The following MCOLN2 variants were observed in gnomAD, a reference collection of about 807,000 sequenced individuals.
The protein encoded by MCOLN2 is mucolipin TRP cation channel 2, also known as mucolipin-2.
In MCOLN2, 57 loss-of-function variants were observed where a neutral mutation model predicts 67.5. That is an observed-to-expected ratio of 0.84 (90% CI 0.68 to 1.05). The LOEUF is 1.05. MCOLN2 is among the 50% of genes least tolerant of loss of function. MCOLN2 has a pLI of 0.00. For missense variants in MCOLN2, 620 were observed against 678.8 expected (o/e 0.91, Z 0.96); for synonymous variants, 246 against 233.3 (o/e 1.05, Z -0.50).
chr1:84,996,730 A>G (rs1418861212), intron 1 of MCOLN2, 66 bp downstream of exon 1: 1 of 1,438,028 alleles, frequency 7.0e-7, no homozygotes, highest in Admixed American at 1.7e-5. Flanking sequence ...TACGAAAGTA[A>G]AGCCATCGAC....
intron 6 of MCOLN2, among the ~76,000 whole-genome samples, chr1:84,950,823 C>T (rs537550525): frequency 6.6e-6 from 1 of 152,156 alleles, no homozygotes; most frequent in African/African-American, 2.4e-5. Context: ...CATTTCTATA[C>T]CTGTAAGTTA....
chr1:84,937,591 A>G lies in MCOLN2; in HGVS notation c.1335+164T>C, dbSNP rs1178165741. The G allele has an allele frequency of 5.7e-6, 8 of 1,407,528 alleles. No homozygotes were observed. The East Asian group carries it at 1.8e-4, about 31-fold the overall frequency. 87.2% of individuals were successfully genotyped at this position (1,407,528 alleles called of 1,614,324 possible). On this transcript the variant is annotated intron_variant, in intron 11 of 13. Transcript: ENST00000370608. ...TTCAATATCCTGTAGTCACTTCTATATCCTGAAAAGGAAAAAAAGAAAAAG... is the reference window on the plus strand; with the variant it reads ...TTCAATATCCTGTAGTCACTTCTATGTCCTGAAAAGGAAAAAAAGAAAAAG...
chr1:84,990,494 T>A (rs895929186), intron 1 of MCOLN2, among the ~76,000 whole-genome samples: 1 of 152,016 alleles, frequency 6.6e-6, no homozygotes, highest in African/African-American at 2.4e-5. Flanking sequence ...AATTTTAAAA[T>A]AATGAGTTAG....
intron 2 of MCOLN2, among the ~76,000 whole-genome samples, chr1:84,961,739 G>C (rs1220972831): frequency 6.6e-6 from 1 of 152,130 alleles, no homozygotes; most frequent in African/African-American, 2.4e-5. Flanking sequence ...GATTTGCTGA[G>C]AGTATGATAC....
In MCOLN2 at chr1:84,941,581, C is replaced by G. The variant is rs74740457; in HGVS notation, c.848-590G>C. Among the ~76,000 whole-genome samples the G allele has an allele frequency of 2.0e-3, 303 of 152,316 alleles. 2 individuals are homozygous for G. Among genetic ancestry groups the G allele is most frequent in the African/African-American group, 7.0e-3 (289 of 41,578 alleles). ...ACTCAAATTTATATATAAATATTTA[C>G]TGTAGAATAGAATTCAACAGAAAGT... is the stretch of plus-strand genomic sequence containing the variant. On this transcript the variant is annotated intron_variant, in intron 7 of 13. Coordinates refer to ENST00000370608, the MANE Select transcript of MCOLN2 (RefSeq NM_153259.4).
Position 84,952,236 on chromosome 1 carries a change from T to C in MCOLN2, c.747+7A>G. The stretch of plus-strand genomic sequence containing the variant: ...AAGGAAGTAGCTAGTAAAACAAAGA[T>C]ACTTGCCGTATTCTGAAAGACATAA... On this transcript the variant is annotated splice_region_variant and intron_variant, in intron 6 of 13. Coordinates refer to ENST00000370608, the MANE Select transcript of MCOLN2 (RefSeq NM_153259.4). 6 of 1,591,192 alleles carry C rather than the reference T, an allele frequency of 3.8e-6. No homozygotes were observed. The highest frequency in any genetic ancestry group is 5.1e-6 in the Non-Finnish European group (6 of 1,165,796).
chr1:84,995,572 A>T (rs1459500367), intron 1 of MCOLN2, among the ~76,000 whole-genome samples: 1 of 122,256 alleles, frequency 8.2e-6, no homozygotes, highest in African/African-American at 2.7e-5. Flanking sequence ...TTTGGCCACT[A>T]CTTTTACTTT....
At chr1:84,986,005 A>G (rs562772224) in intron 1 of MCOLN2, among the ~76,000 whole-genome samples, 1 of 152,348 alleles carries the variant, frequency 6.6e-6, no homozygotes, top group South Asian at 2.1e-4. Context: ...AGCAAAAAGA[A>G]CAAATCTGGA....
chr1:84,978,799 A>AAT (rs769845676), intron 1 of MCOLN2, among the ~76,000 whole-genome samples: 6 of 151,950 alleles, frequency 3.9e-5, no homozygotes, highest in South Asian at 2.1e-4. Context: ...TATGTGTATA[A>AAT]ATATATATAT....
intron 3 of MCOLN2, among the ~76,000 whole-genome samples, chr1:84,958,313 A>G (rs953999150): frequency 2.0e-5 from 3 of 152,266 alleles, no homozygotes; most frequent in African/African-American, 7.2e-5. Context: ...GTATGAAGTG[A>G]TAAATTAAAA....
intron 1 of MCOLN2, among the ~76,000 whole-genome samples, chr1:84,985,605 G>A (rs1650468448): frequency 6.6e-6 from 1 of 152,124 alleles, no homozygotes; most frequent in South Asian, 2.1e-4. Context: ...TCTGCTCAAA[G>A]CAGTGATCTG....
chr1:84,957,050 A>T (rs1006885352), intron 3 of MCOLN2, among the ~76,000 whole-genome samples: 2 of 152,118 alleles, frequency 1.3e-5, no homozygotes, highest in African/African-American at 4.8e-5. Context: ...AGCCAAGGAA[A>T]ATTGCAAACA....
intron 1 of MCOLN2, among the ~76,000 whole-genome samples, chr1:84,983,180 G>T (rs1401911499): frequency 6.6e-6 from 1 of 152,122 alleles, no homozygotes; most frequent in Non-Finnish European, 1.5e-5. Flanking sequence ...CCAAATCTGT[G>T]TGGCTCTGCA....
intron 2 of MCOLN2, among the ~76,000 whole-genome samples, chr1:84,964,717 T>C (rs1241975578): frequency 6.6e-6 from 1 of 152,172 alleles, no homozygotes; most frequent in African/African-American, 2.4e-5. Flanking sequence ...TGGGAGACAG[T>C]GACAGATCAT....
intron 4 of MCOLN2, among the ~76,000 whole-genome samples, chr1:84,955,315 G>A (rs111706111): frequency 1.2e-4 from 19 of 152,276 alleles, no homozygotes; most frequent in African/African-American, 3.6e-4. Context: ...CTAATACAGA[G>A]GGGGAGTCCA....
At chr1:84,949,465 C>T (rs1000503397) in intron 6 of MCOLN2, among the ~76,000 whole-genome samples, 7 of 151,684 alleles carry the variant, frequency 4.6e-5, no homozygotes, top group South Asian at 2.1e-4. Flanking sequence ...GGTGAAACCT[C>T]GTCTCTACTA....
At chr1:84,981,844 C>T (rs1449591686) in intron 1 of MCOLN2, among the ~76,000 whole-genome samples, 1 of 152,030 alleles carries the variant, frequency 6.6e-6, no homozygotes, top group Non-Finnish European at 1.5e-5. Flanking sequence ...AGGATAAATG[C>T]TTGAGGGAAT....
At chr1:84,936,598 C>T (rs1348853997) in intron 11 of MCOLN2, among the ~76,000 whole-genome samples, 1 of 152,106 alleles carries the variant, frequency 6.6e-6, no homozygotes, top group East Asian at 1.9e-4. Flanking sequence ...GATTTACTAC[C>T]AACCCAGAGG....
rs141870812 is a variant in MCOLN2, at chr1:84,932,238, A to C, written c.1336-670T>G. ...TAGGTTTTGTTTGTTTGTTTGAGAC[A>C]GAGTCTTACTCTGCCACCCAGGCTG... On this transcript the variant is annotated intron_variant, in intron 11 of 13. Coordinates refer to ENST00000370608, the MANE Select transcript of MCOLN2 (RefSeq NM_153259.4). Among the ~76,000 whole-genome samples the C allele has an allele frequency of 2.8e-3, 424 of 152,256 alleles. 1 individual carries two copies. Among genetic ancestry groups the C allele is most frequent in the African/African-American group, 9.8e-3 (406 of 41,562 alleles).
Sources: allele counts gnomAD v4.1 joint callset (sites outside exome capture counted in the v4.1 genomes callset), GRCh38; gene constraint gnomAD v4.1.1; transcripts MANE v1.5; gene names NCBI Gene and HGNC (gene_info 2026-07-23, HGNC 2026-07-21).